TMTC2: variants seen among roughly 807,000 people sequenced by gnomAD.
TMTC2 encodes protein O-mannosyl-transferase TMTC2.
A neutral mutation model predicts 82.4 loss-of-function variants in TMTC2; 43 were observed. The ratio of observed to expected loss-of-function variants is 0.52; its 90% CI spans 0.41 to 0.67. TMTC2 has a LOEUF of 0.67. Among genes scored for constraint, TMTC2 ranks in the 30% least tolerant of loss-of-function variants. The pLI is 0.00. For missense variants in TMTC2, 919 were observed against 1,012.4 expected, an observed-to-expected ratio of 0.91 and a Z score of 1.25; for synonymous variants, 408 against 381.9, an observed-to-expected ratio of 1.07 and a Z score of -0.80.
chr12:83,095,316 C>T (rs1307394639), intron 11 of TMTC2, among the ~76,000 whole-genome samples: 1 of 150,838 alleles, frequency 6.6e-6, no homozygotes, highest in Non-Finnish European at 1.5e-5. Context: ...TCTCGGCTCA[C>T]TGCAAGCTCT....
intron 1 of TMTC2, among the ~76,000 whole-genome samples, chr12:82,778,935 G>A (rs555650784): frequency 1.3e-5 from 2 of 150,286 alleles, no homozygotes; most frequent in East Asian, 2.0e-4. Flanking sequence ...TACTTGGGAG[G>A]CTGAGGCAGG....
At chr12:82,913,099 TCA>T (rs982530103) in intron 3 of TMTC2, among the ~76,000 whole-genome samples, 1 of 152,198 alleles carries the variant, frequency 6.6e-6, no homozygotes, top group Non-Finnish European at 1.5e-5. Flanking sequence ...TTATCTCTAA[TCA>T]CAGTGATAAA....
chr12:82,821,888 CAAA>C (rs59861216), intron 1 of TMTC2, among the ~76,000 whole-genome samples: 7 of 69,418 alleles, frequency 1.0e-4, no homozygotes, highest in Non-Finnish European at 2.0e-4. Context: ...GACTCCGTCT[CAAA>C]AAAAAAAAAA....
intron 1 of TMTC2, among the ~76,000 whole-genome samples, chr12:82,688,051 C>T (rs1872412696): frequency 6.6e-6 from 1 of 152,198 alleles, no homozygotes; most frequent in Non-Finnish European, 1.5e-5. Flanking sequence ...GGAAGCCTCT[C>T]CTCGATCCCT....
intron 1 of TMTC2, among the ~76,000 whole-genome samples, chr12:82,849,007 G>A (rs571084939): frequency 1.2e-4 from 19 of 152,228 alleles, no homozygotes; most frequent in South Asian, 4.1e-4. Context: ...ATTAGCATGC[G>A]TATGGAGAAG....
Position 83,127,436 on chromosome 12 carries a change from C to T in TMTC2, c.2332-4774C>T, listed in dbSNP as rs548229454. On this transcript the variant is annotated intron_variant, in intron 11 of 11. Transcript: ENST00000321196. ...ATAAAACGGAAATGGCCACAGAGACCAATGGGATACAAGAGAGCCCAACTA... is the reference window on the plus strand; with the variant it reads ...ATAAAACGGAAATGGCCACAGAGACTAATGGGATACAAGAGAGCCCAACTA... 2.5e-4 allele frequency among the ~76,000 whole-genome samples: 38 copies of T among 152,106 alleles called. No individual in the cohort carries two copies. In the South Asian group the frequency reaches 7.9e-3, roughly 32 times the overall value.
intron 11 of TMTC2, among the ~76,000 whole-genome samples, chr12:83,115,809 GA>G (rs1431394243): frequency 6.6e-6 from 1 of 150,506 alleles, no homozygotes; most frequent in Non-Finnish European, 1.5e-5. Context: ...GTTGTTGTTT[GA>G]GACAAGTCTC....
chr12:82,737,544 A>G (rs17723455), intron 1 of TMTC2, among the ~76,000 whole-genome samples: 8,313 of 152,258 alleles, frequency 0.055, 301 homozygotes, highest in Middle Eastern at 0.085. Flanking sequence ...TGCCATCTTT[A>G]TCAACCCCAG....
intron 3 of TMTC2, among the ~76,000 whole-genome samples, chr12:82,899,095 A>G (rs1447602563): frequency 6.6e-6 from 1 of 152,144 alleles, no homozygotes; most frequent in Non-Finnish European, 1.5e-5. Flanking sequence ...CAACATTTTC[A>G]GGTGTCCATC....
At position 82,930,468 on chromosome 12, in the gene TMTC2, C is replaced by CA; in HGVS notation, c.1525dup (p.Ile509AsnfsTer3). 1 of 1,604,702 alleles carries CA rather than the reference C, an allele frequency of 6.2e-7. No individual in the cohort carries two copies. Among genetic ancestry groups the CA allele is most frequent in the South Asian group, 1.1e-5 (1 of 90,178 alleles). On this transcript the variant is annotated frameshift_variant, in exon 4 of 12. Coordinates refer to ENST00000321196, the MANE Select transcript of TMTC2 (RefSeq NM_152588.3). LOFTEE classifies it high-confidence loss of function. The stretch of plus-strand genomic sequence containing the variant: ...TTGGAAATGTTCTGAAGAGTCAGAG[C>CA]AAAATTTCTGAAGCTGAAAGCGCCT...
chr12:83,109,333 T>C (rs1260652174), intron 11 of TMTC2, among the ~76,000 whole-genome samples: 2 of 151,860 alleles, frequency 1.3e-5, no homozygotes, highest in African/African-American at 4.8e-5. Flanking sequence ...TTTGACAGAG[T>C]ACCATGGAGA....
At chr12:82,950,789 G>A (rs1159925170) in intron 4 of TMTC2, among the ~76,000 whole-genome samples, 2 of 151,996 alleles carry the variant, frequency 1.3e-5, no homozygotes, top group East Asian at 3.9e-4. Flanking sequence ...AGACTCTTAA[G>A]GAAAAACTCA....
At chr12:82,914,113 A>C (rs941890692) in intron 3 of TMTC2, among the ~76,000 whole-genome samples, 77 of 152,218 alleles carry the variant, frequency 5.1e-4, no homozygotes, top group Non-Finnish European at 7.1e-4. Context: ...TTAACTTCCC[A>C]TTCTTTTCTG....
intron 11 of TMTC2, among the ~76,000 whole-genome samples, chr12:83,123,107 T>C (rs1885006366): frequency 6.6e-6 from 1 of 152,218 alleles, no homozygotes; most frequent in African/African-American, 2.4e-5. Flanking sequence ...CATAGAAATG[T>C]ATAACACCCA....
rs7314686 is a variant in TMTC2 at position 82,760,658 on chromosome 12, G to A, written c.83+72989G>A. Among the ~76,000 whole-genome samples the A allele has an allele frequency of 2.7e-4, 41 of 152,002 alleles. 1 individual carries two copies. Among genetic ancestry groups the A allele is most frequent in the Admixed American group, 1.1e-3 (17 of 15,272 alleles). ...TGGGCCACACAGCAGGAGGTGAATG[G>A]CAGGTGAGCCAGCGAAACTTCATCT... On this transcript the variant is annotated intron_variant, in intron 1 of 11. Transcript: ENST00000321196.
chr12:83,024,632 G>T (rs2137411283), intron 8 of TMTC2, among the ~76,000 whole-genome samples: 1 of 152,278 alleles, frequency 6.6e-6, no homozygotes, highest in Non-Finnish European at 1.5e-5. Context: ...CCACTGAAAT[G>T]AAGTTCTCTG....
chr12:82,730,323 C>T (rs1592881924), intron 1 of TMTC2, among the ~76,000 whole-genome samples: 2 of 127,564 alleles, frequency 1.6e-5, no homozygotes, highest in African/African-American at 5.7e-5. Flanking sequence ...AAAAGCAGAC[C>T]CTACCTCATC....
chr12:83,045,914 T>G (rs1882105051), intron 9 of TMTC2, among the ~76,000 whole-genome samples: 1 of 152,078 alleles, frequency 6.6e-6, no homozygotes, highest in Non-Finnish European at 1.5e-5. Flanking sequence ...TCAGGAGTTG[T>G]GCGAGTGGGG....
chr12:83,085,080 T>C (rs1182737067), intron 11 of TMTC2, among the ~76,000 whole-genome samples: 1 of 152,222 alleles, frequency 6.6e-6, no homozygotes, highest in African/African-American at 2.4e-5. Flanking sequence ...TTATCTTTAA[T>C]GGGGTCATTG....
Sources: allele counts gnomAD v4.1 joint callset (sites outside exome capture counted in the v4.1 genomes callset), GRCh38; gene constraint gnomAD v4.1.1; transcripts MANE v1.5; gene names NCBI Gene and HGNC (gene_info 2026-07-23, HGNC 2026-07-21).